The following FSTL5 variants were observed in gnomAD, a reference collection of about 807,000 sequenced individuals.
The protein encoded by FSTL5 is follistatin like 5.
Under a neutral mutation model 89.1 loss-of-function variants are expected in FSTL5, and 62 were observed. The observed-to-expected ratio is 0.70, with a 90% confidence interval of 0.57 to 0.86. The LOEUF (loss-of-function observed/expected upper bound fraction) is 0.86, where lower values mean the gene tolerates loss of function less well. Ranked by LOEUF, FSTL5 falls within the 40% of genes least tolerant of loss-of-function variation. FSTL5 has a pLI of 0.00. For synonymous variants in FSTL5, 383 were observed against 346.2 expected, an observed-to-expected ratio of 1.11 and a Z score of -1.18; for missense variants, 1,057 against 1,001.6, an observed-to-expected ratio of 1.06 and a Z score of -0.75.
chr4:161,509,789 C>T (rs1730595172), intron 11 of FSTL5, among the ~76,000 whole-genome samples: 1 of 152,090 alleles, frequency 6.6e-6, no homozygotes, highest in Non-Finnish European at 1.5e-5. Context: ...CGCATTCTTC[C>T]CAGCCTTTGT....
chr4:161,704,544 A>G (rs1738506225), intron 6 of FSTL5, among the ~76,000 whole-genome samples: 1 of 152,156 alleles, frequency 6.6e-6, no homozygotes, highest in South Asian at 2.1e-4. Context: ...TCAAAGTTTG[A>G]TCACAAACAA....
chr4:161,770,997 C>T (rs555388162), intron 5 of FSTL5, among the ~76,000 whole-genome samples: 52 of 151,986 alleles, frequency 3.4e-4, no homozygotes, highest in Non-Finnish European at 6.6e-4. Context: ...GAATATTGTG[C>T]TATCGTTTAT....
At chr4:161,650,647 G>A (rs1162947826) in intron 7 of FSTL5, among the ~76,000 whole-genome samples, 1 of 152,086 alleles carries the variant, frequency 6.6e-6, no homozygotes, top group Non-Finnish European at 1.5e-5. Flanking sequence ...GTATACCACT[G>A]AATTTTATGA....
At chr4:161,425,100 A>C (rs372276135) in intron 15 of FSTL5, among the ~76,000 whole-genome samples, 4 of 152,190 alleles carry the variant, frequency 2.6e-5, no homozygotes, top group South Asian at 4.1e-4. Context: ...ATTGGTTGTA[A>C]TTTTGTCTTT....
chr4:161,680,271 C>T (rs1737470881), intron 6 of FSTL5, among the ~76,000 whole-genome samples: 1 of 151,782 alleles, frequency 6.6e-6, no homozygotes, highest in South Asian at 2.1e-4. Flanking sequence ...TTGCTTGTTA[C>T]ATTGCATCCT....
chr4:162,027,911 G>GA (rs1259890967), intron 3 of FSTL5, among the ~76,000 whole-genome samples: 1 of 151,962 alleles, frequency 6.6e-6, no homozygotes, highest in African/African-American at 2.4e-5. Context: ...ATAAATCCGA[G>GA]AAAATAGAAT....
chr4:161,883,740 C>T (rs921097138), intron 4 of FSTL5, among the ~76,000 whole-genome samples: 6 of 152,082 alleles, frequency 3.9e-5, no homozygotes, highest in African/African-American at 1.2e-4. Context: ...ATAAAGCTCC[C>T]TGAGATCAGA....
Position 161,456,792 on chromosome 4 carries a change from G to A in FSTL5, c.1717-1664C>T, listed in dbSNP as rs143679943. Among the ~76,000 whole-genome samples, 500 of 152,324 alleles carry A rather than the reference G, an allele frequency of 3.3e-3. 3 individuals are homozygous for A. Among genetic ancestry groups the A allele is most frequent in the African/African-American group, 0.011 (466 of 41,570 alleles). On this transcript the variant is annotated intron_variant, in intron 14 of 15. Transcript: ENST00000306100. ...TTAAGTCTAATGGCATAGCAAAAAT[G>A]CCTTGGAGACTAGTGATAGTGGCTT...
intron 3 of FSTL5, among the ~76,000 whole-genome samples, chr4:162,018,764 G>A (rs973729084): frequency 6.6e-6 from 1 of 151,824 alleles, no homozygotes; most frequent in Non-Finnish European, 1.5e-5. Context: ...TGCTCTTCTG[G>A]GACTACACAG....
intron 4 of FSTL5, among the ~76,000 whole-genome samples, chr4:161,908,687 C>A (rs1389966203): frequency 6.6e-6 from 1 of 151,998 alleles, no homozygotes; most frequent in Non-Finnish European, 1.5e-5. Context: ...ATATGCATAA[C>A]TTAGAAATTA....
intron 3 of FSTL5, among the ~76,000 whole-genome samples, chr4:161,958,971 T>C (rs938223789): frequency 1.3e-5 from 2 of 152,106 alleles, no homozygotes; most frequent in East Asian, 3.9e-4. Flanking sequence ...ACTGTTGTGC[T>C]CTTTCTAGGA....
At chr4:161,682,734 A>G (rs114962692) in intron 6 of FSTL5, among the ~76,000 whole-genome samples, 1,623 of 151,908 alleles carry the variant, frequency 0.011, 29 homozygotes, top group African/African-American at 0.037. Flanking sequence ...AGGCTGTTTT[A>G]CAGTTAACTT....
intron 7 of FSTL5, among the ~76,000 whole-genome samples, chr4:161,647,462 G>T (rs897107163): frequency 2.6e-5 from 4 of 151,756 alleles, no homozygotes; most frequent in African/African-American, 9.7e-5. Flanking sequence ...TGTTACTTTG[G>T]CTACTCAGGG....
intron 3 of FSTL5, among the ~76,000 whole-genome samples, chr4:161,930,742 C>G (rs1042578310): frequency 6.6e-6 from 1 of 151,864 alleles, no homozygotes; most frequent in African/African-American, 2.4e-5. Flanking sequence ...TCTGCTCCAA[C>G]AGATGTGTTT....
At chr4:161,678,111 ATATAT>A (rs1319073032) in intron 6 of FSTL5, among the ~76,000 whole-genome samples, 2 of 151,950 alleles carry the variant, frequency 1.3e-5, no homozygotes, top group African/African-American at 2.4e-5. Flanking sequence ...GAATGCAATA[ATATAT>A]TATACATGTA....
intron 10 of FSTL5, among the ~76,000 whole-genome samples, chr4:161,520,443 C>T (rs1332135106): frequency 6.6e-6 from 1 of 151,712 alleles, no homozygotes; most frequent in Non-Finnish European, 1.5e-5. Context: ...ATAAAAATTG[C>T]TAGATATTTT....
chr4:161,512,708 T>C (rs1247061170), intron 10 of FSTL5, among the ~76,000 whole-genome samples: 4 of 152,086 alleles, frequency 2.6e-5, no homozygotes, highest in Non-Finnish European at 4.4e-5. Context: ...GACTTTGTAA[T>C]AGATAAAAAT....
chr4:161,829,582 G>T (rs1005101262), intron 4 of FSTL5, among the ~76,000 whole-genome samples: 1 of 151,784 alleles, frequency 6.6e-6, no homozygotes, highest in Non-Finnish European at 1.5e-5. Context: ...ATAATTTCCA[G>T]GTTTGCTTTG....
At chr4:161,941,700 T>C (rs1185952997) in intron 3 of FSTL5, among the ~76,000 whole-genome samples, 1 of 151,918 alleles carries the variant, frequency 6.6e-6, no homozygotes, top group Non-Finnish European at 1.5e-5. Context: ...GTTGCAGACT[T>C]CAATACCTCA....
Sources: gnomAD v4.1 joint callset for allele counts (sites outside exome capture counted in the v4.1 genomes callset) on GRCh38, gnomAD v4.1.1 for gene constraint, MANE v1.5 for transcripts, NCBI Gene and HGNC (gene_info 2026-07-23, HGNC 2026-07-21) for gene names.